The following NUSAP1 variants were observed in gnomAD, a reference collection of about 807,000 sequenced individuals.
NUSAP1 encodes the protein nucleolar and spindle associated protein 1.
Under a neutral mutation model 52.8 loss-of-function variants are expected in NUSAP1, and 32 were observed. The ratio of observed to expected loss-of-function variants is 0.61; its 90% CI spans 0.46 to 0.81. The LOEUF (loss-of-function observed/expected upper bound fraction) is 0.81. NUSAP1 is among the 40% of genes least tolerant of loss of function. The pLI is 0.00. For missense variants in NUSAP1, 499 were observed against 522.3 expected, an observed-to-expected ratio of 0.96 and a Z score of 0.43; for synonymous variants, 195 against 183.1, an observed-to-expected ratio of 1.06 and a Z score of -0.52.
chr15:41,342,470 C>T lies in NUSAP1; in HGVS notation c.162+16C>T. On this transcript the variant is annotated intron_variant, in intron 2 of 10. Coordinates refer to ENST00000559596, the MANE Select transcript of NUSAP1 (RefSeq NM_016359.5). ...TGAGAATCAGGTGAGTAATGTTTTT[C>T]ATGTTTACCTGTTAGCTAGCAAAAT... 1 of 1,540,184 alleles carries T rather than the reference C, an allele frequency of 6.5e-7. No homozygotes were observed. Among genetic ancestry groups the T allele is most frequent in the South Asian group, 1.2e-5 (1 of 83,030 alleles).
At chr15:41,337,587 CCATCTA>C (rs1234326201) in intron 1 of NUSAP1, among the ~76,000 whole-genome samples, 1 of 152,188 alleles carries the variant, frequency 6.6e-6, no homozygotes, top group African/African-American at 2.4e-5. Context: ...TGTCCTCATT[CCATCTA>C]CTGCCCTATT....
intron 6 of NUSAP1, among the ~76,000 whole-genome samples, chr15:41,362,511 T>A (rs985925162): frequency 6.6e-6 from 1 of 150,762 alleles, no homozygotes; most frequent in African/African-American, 2.4e-5. Context: ...TGCAAGCTCC[T>A]CTTCCCAGGT....
chr15:41,372,945 G>A (rs982280389), intron 8 of NUSAP1, among the ~76,000 whole-genome samples: 9 of 151,990 alleles, frequency 5.9e-5, no homozygotes, highest in African/African-American at 1.9e-4. Flanking sequence ...AAAATTAGCC[G>A]GGCATGGTGG....
At position 41,377,780 on chromosome 15, in the gene NUSAP1, A is replaced by G. The variant is rs529110247; in HGVS notation, c.1232+476A>G. 2.2e-3 allele frequency among the ~76,000 whole-genome samples: 324 copies of G among 149,712 alleles called. 3 individuals are homozygous for G. The highest frequency in any genetic ancestry group is 3.4e-3 in the Non-Finnish European group (229 of 67,680). On this transcript the variant is annotated intron_variant, in intron 10 of 10. Coordinates refer to ENST00000559596, the MANE Select transcript of NUSAP1 (RefSeq NM_016359.5). ...AGCACTTTGGGAGGCCGAGGGGGGCAGATCACGAGGTCAGATCGAGACCAT... is the reference window on the plus strand; with the variant it reads ...AGCACTTTGGGAGGCCGAGGGGGGCGGATCACGAGGTCAGATCGAGACCAT...
intron 8 of NUSAP1, among the ~76,000 whole-genome samples, chr15:41,375,096 G>C (rs1023520577): frequency 6.6e-6 from 1 of 150,782 alleles, no homozygotes; most frequent in African/African-American, 2.4e-5. Flanking sequence ...TGCAACCTCT[G>C]CTTCCCGGAT....
chr15:41,360,608 G>A (rs898492321), intron 6 of NUSAP1, among the ~76,000 whole-genome samples: 1 of 150,780 alleles, frequency 6.6e-6, no homozygotes, highest in African/African-American at 2.4e-5. Context: ...AAGCCACGGC[G>A]CCCAGCCCCT....
chr15:41,350,057 A>G (rs1220403041), intron 3 of NUSAP1, among the ~76,000 whole-genome samples: 1 of 152,106 alleles, frequency 6.6e-6, no homozygotes, highest in African/African-American at 2.4e-5. Flanking sequence ...GTGAGCCACC[A>G]TGCCCAGCCC....
chr15:41,360,722 G>T (rs2049139404), intron 6 of NUSAP1, among the ~76,000 whole-genome samples: 1 of 151,666 alleles, frequency 6.6e-6, no homozygotes, highest in African/African-American at 2.4e-5. Flanking sequence ...CTCCCAAAGT[G>T]CTGGGATTAC....
intron 9 of NUSAP1, among the ~76,000 whole-genome samples, chr15:41,376,695 A>T (rs1037381955): frequency 4.0e-5 from 6 of 151,618 alleles, no homozygotes; most frequent in African/African-American, 1.5e-4. Flanking sequence ...TGTCTAAAAA[A>T]TTTAAAAAAT....
chr15:41,372,663 G>A (rs769558963), intron 8 of NUSAP1, among the ~76,000 whole-genome samples: 2 of 152,140 alleles, frequency 1.3e-5, no homozygotes, highest in Admixed American at 1.3e-4. Context: ...ATTTGATACT[G>A]ATACAGTGGG....
At chr15:41,360,340 C>G (rs1381897541) in intron 6 of NUSAP1, among the ~76,000 whole-genome samples, 1 of 148,524 alleles carries the variant, frequency 6.7e-6, no homozygotes, top group East Asian at 1.9e-4. Flanking sequence ...TGTTTTGACA[C>G]AGTTTCACTC....
intron 8 of NUSAP1, among the ~76,000 whole-genome samples, chr15:41,375,486 G>A (rs891979137): frequency 1.3e-5 from 2 of 151,832 alleles, no homozygotes; most frequent in Admixed American, 6.6e-5. Context: ...ATAATTTTTT[G>A]TATTTTTGTG....
At chr15:41,359,636 C>CT (rs1282401821) in intron 6 of NUSAP1, among the ~76,000 whole-genome samples, 1,689 of 142,052 alleles carry the variant, frequency 0.012, 26 homozygotes, top group African/African-American at 0.037. Flanking sequence ...CTTTTCTTTT[C>CT]TTTTTTTTTT....
Position 41,333,362 on chromosome 15 carries a change from G to C in NUSAP1, c.93+312G>C, listed in dbSNP as rs535937814. 1.4e-3 allele frequency among the ~76,000 whole-genome samples: 206 copies of C among 152,218 alleles called. 5 individuals carry two copies. The South Asian group carries it at 0.041, about 30-fold the overall frequency. On this transcript the variant is annotated intron_variant, in intron 1 of 10. Transcript: ENST00000559596. The stretch of plus-strand genomic sequence containing the variant: ...GTATACCTCTCAGGGCGTCGATTAC[G>C]AAACTCAGGCCCAGAAAGCACAAGG...
At chr15:41,346,805 C>A (rs1190239665) in intron 2 of NUSAP1, among the ~76,000 whole-genome samples, 1 of 149,950 alleles carries the variant, frequency 6.7e-6, no homozygotes, top group Non-Finnish European at 1.5e-5. Context: ...CCATCCTGGG[C>A]AACAGAGCCA....
intron 7 of NUSAP1, among the ~76,000 whole-genome samples, chr15:41,371,324 A>G (rs2049678857): frequency 6.6e-6 from 1 of 152,208 alleles, no homozygotes; most frequent in Non-Finnish European, 1.5e-5. Flanking sequence ...ATATTTTACA[A>G]ATAATGTTAG....
At chr15:41,341,056 A>G (rs756993065) in intron 1 of NUSAP1, among the ~76,000 whole-genome samples, 9 of 152,034 alleles carry the variant, frequency 5.9e-5, no homozygotes, top group Admixed American at 1.3e-4. Context: ...AAAGAACCCA[A>G]CCAAAAAACT....
intron 10 of NUSAP1, among the ~76,000 whole-genome samples, chr15:41,377,878 G>A (rs1450907505): frequency 1.3e-5 from 2 of 151,364 alleles, no homozygotes; most frequent in African/African-American, 4.9e-5. Flanking sequence ...GCGGGCGCCT[G>A]TAGTCCCAGC....
intron 6 of NUSAP1, among the ~76,000 whole-genome samples, chr15:41,365,155 T>C (rs28557159): frequency 0.29 from 43,440 of 151,950 alleles, 6,622 homozygotes; most frequent in African/African-American, 0.38. Flanking sequence ...AGAGGCCAAG[T>C]CTTTTTGTTT....
Sources: allele counts gnomAD v4.1 joint callset (sites outside exome capture counted in the v4.1 genomes callset), GRCh38; gene constraint gnomAD v4.1.1; transcripts MANE v1.5; gene names NCBI Gene and HGNC (gene_info 2026-07-23, HGNC 2026-07-21).